Variants in PTCHD4 observed in about 807,000 individuals in gnomAD.
The protein encoded by PTCHD4 is patched domain containing 4, also known as patched domain-containing protein 4.
PTCHD4 carries 33 observed loss-of-function variants against 58.1 expected under a neutral mutation model. The observed-to-expected ratio is 0.57, with a 90% CI of 0.43 to 0.76. PTCHD4 has a LOEUF of 0.76. Among genes scored for constraint, PTCHD4 ranks in the 30% least tolerant of loss-of-function variants. The probability of loss-of-function intolerance (pLI) is 0.00; values close to 1 mark genes in which losing one functional copy is unlikely to be tolerated. For missense variants in PTCHD4, 1,058 were observed against 1,027.1 expected, an observed-to-expected ratio of 1.03 and a Z score of -0.41; for synonymous variants, 478 against 409.6, an observed-to-expected ratio of 1.17 and a Z score of -2.02.
chr6:47,896,563 A>T (rs1764536634), intron 4 of PTCHD4, among the ~76,000 whole-genome samples: 1 of 152,222 alleles, frequency 6.6e-6, no homozygotes, highest in Non-Finnish European at 1.5e-5. Flanking sequence ...TTTAGGAGTT[A>T]ATCTTCCATG....
intron 4 of PTCHD4, among the ~76,000 whole-genome samples, chr6:47,880,302 A>G (rs1380320120): frequency 6.6e-6 from 1 of 152,202 alleles, no homozygotes; most frequent in African/African-American, 2.4e-5. Context: ...GCGCCTTCAA[A>G]TGACCCTTAA....
At chr6:48,086,440 T>C (rs1369492135) in intron 1 of PTCHD4, among the ~76,000 whole-genome samples, 1 of 150,698 alleles carries the variant, frequency 6.6e-6, no homozygotes, top group Non-Finnish European at 1.5e-5. Context: ...TATTCTTTAA[T>C]AAAAGTCTAG....
chr6:48,059,787 T>C (rs998875638), intron 3 of PTCHD4, among the ~76,000 whole-genome samples: 7 of 152,036 alleles, frequency 4.6e-5, no homozygotes, highest in African/African-American at 1.7e-4. Context: ...CCACCATCAC[T>C]CTTTAACCTC....
intron 4 of PTCHD4, among the ~76,000 whole-genome samples, chr6:47,953,878 T>G (rs1310050545): frequency 6.6e-6 from 1 of 152,234 alleles, no homozygotes; most frequent in Non-Finnish European, 1.5e-5. Context: ...TAATATCTTC[T>G]GAATGTGCAA....
intron 3 of PTCHD4, among the ~76,000 whole-genome samples, chr6:48,026,433 G>A (rs747831241): frequency 2.6e-5 from 4 of 152,052 alleles, no homozygotes; most frequent in Non-Finnish European, 4.4e-5. Flanking sequence ...TCTCTTTGGG[G>A]AACTTAGGAT....
chr6:47,967,110 A>G (rs879913825), intron 4 of PTCHD4, among the ~76,000 whole-genome samples: 8 of 152,194 alleles, frequency 5.3e-5, no homozygotes, highest in Admixed American at 1.3e-4. Context: ...TACAAAATGT[A>G]TTTCTTAATA....
intron 3 of PTCHD4, among the ~76,000 whole-genome samples, chr6:48,052,559 ACT>A (rs1398918799): frequency 6.6e-6 from 1 of 151,904 alleles, no homozygotes; most frequent in Non-Finnish European, 1.5e-5. Context: ...ATTTTGTGAA[ACT>A]CTATGCACAA....
rs1345589576 is a variant in PTCHD4, at chr6:47,875,813, T to C, written c.*2490A>G. Among the ~76,000 whole-genome samples the C allele has an allele frequency of 6.6e-6, 1 of 151,800 alleles. No homozygotes were observed. Among genetic ancestry groups the C allele is most frequent in the African/African-American group, 2.4e-5 (1 of 41,364 alleles). On this transcript the variant is annotated 3_prime_UTR_variant, in exon 5 of 5. Coordinates refer to ENST00000339488, the MANE Select transcript of PTCHD4 (RefSeq NM_001384253.1). ...ACTGGCATGCTTGATTCTTTCCCTG[T>C]AAATCAGCCTGCCATTCTTCTTTGC...
intron 4 of PTCHD4, among the ~76,000 whole-genome samples, chr6:47,988,494 T>A (rs1768163216): frequency 6.6e-6 from 1 of 152,196 alleles, no homozygotes; most frequent in Admixed American, 6.5e-5. Flanking sequence ...ACTGTGCTGA[T>A]ATGGTTTGGC....
At chr6:48,060,871 A>T (rs112666453) in intron 3 of PTCHD4, among the ~76,000 whole-genome samples, 97 of 152,322 alleles carry the variant, frequency 6.4e-4, no homozygotes, top group African/African-American at 2.1e-3. Flanking sequence ...GACTGTTCCA[A>T]CACAAATCCT....
intron 1 of PTCHD4, among the ~76,000 whole-genome samples, chr6:48,079,873 G>C (rs959196684): frequency 6.6e-6 from 1 of 151,030 alleles, no homozygotes; most frequent in Non-Finnish European, 1.5e-5. Flanking sequence ...ATAGTATATT[G>C]GTGAAGAGAT....
At chr6:48,082,869 A>T (rs548131484) in intron 1 of PTCHD4, among the ~76,000 whole-genome samples, 1 of 152,140 alleles carries the variant, frequency 6.6e-6, no homozygotes, top group Non-Finnish European at 1.5e-5. Context: ...TTTTGATATA[A>T]TTTAGTGCAG....
At chr6:47,908,089 G>A (rs2113862413) in intron 4 of PTCHD4, among the ~76,000 whole-genome samples, 1 of 152,202 alleles carries the variant, frequency 6.6e-6, no homozygotes, top group South Asian at 2.1e-4. Context: ...ATTGGCCCCT[G>A]AGTAGCCCAC....
intron 1 of PTCHD4, among the ~76,000 whole-genome samples, chr6:48,084,851 C>G (rs960882760): frequency 2.0e-5 from 3 of 150,730 alleles, no homozygotes; most frequent in African/African-American, 7.3e-5. Flanking sequence ...TCAAGCTGTT[C>G]TTCTGTCTCA....
chr6:47,934,507 T>C (rs10485045), intron 4 of PTCHD4, among the ~76,000 whole-genome samples: 5 of 152,032 alleles, frequency 3.3e-5, no homozygotes, highest in Admixed American at 3.3e-4. Context: ...CTAAATCTGG[T>C]AATGTAATCT....
At chr6:48,048,317 T>A (rs1764110527) in intron 3 of PTCHD4, among the ~76,000 whole-genome samples, 1 of 151,982 alleles carries the variant, frequency 6.6e-6, no homozygotes. Flanking sequence ...TTCTACTAAC[T>A]GCAATTGAGC....
chr6:48,031,437 C>A (rs969859912), intron 3 of PTCHD4, among the ~76,000 whole-genome samples: 1 of 152,250 alleles, frequency 6.6e-6, no homozygotes, highest in South Asian at 2.1e-4. Context: ...GTCCCTGCAC[C>A]TATCACAATA....
At chr6:48,016,537 C>T (rs974203749) in intron 3 of PTCHD4, among the ~76,000 whole-genome samples, 1 of 151,826 alleles carries the variant, frequency 6.6e-6, no homozygotes, top group African/African-American at 2.4e-5. Context: ...GTAAATTGTT[C>T]CAAGGTGAAT....
rs942952072 is a variant in PTCHD4, at chr6:47,871,734, C to A, written c.*6569G>T. ...TTGCATGCCATTTTGTCTTTAAATA[C>A]CCTTATGAGGTAGCTTGGAGAGATC... On this transcript the variant is annotated 3_prime_UTR_variant, in exon 5 of 5. Coordinates refer to ENST00000339488, the MANE Select transcript of PTCHD4 (RefSeq NM_001384253.1). 6.6e-6 allele frequency among the ~76,000 whole-genome samples: 1 copy of A among 151,554 alleles called. No individual in the cohort carries two copies.
Sources: allele counts gnomAD v4.1 joint callset (sites outside exome capture counted in the v4.1 genomes callset), GRCh38; gene constraint gnomAD v4.1.1; transcripts MANE v1.5; gene names NCBI Gene and HGNC (gene_info 2026-07-23, HGNC 2026-07-21).